The following IGF2BP1 variants were observed in gnomAD, a reference collection of about 807,000 sequenced individuals.
IGF2BP1 encodes insulin-like growth factor 2 mRNA-binding protein 1.
In IGF2BP1, 11 loss-of-function variants were observed where a neutral mutation model predicts 74.9. The ratio of observed to expected loss-of-function variants is 0.15; its 90% confidence interval spans 0.09 to 0.24. The LOEUF (loss-of-function observed/expected upper bound fraction) is 0.24. IGF2BP1 is among the 10% of genes least tolerant of loss of function. The probability of loss-of-function intolerance (pLI) is 1.00; values close to 1 mark genes in which losing one functional copy is unlikely to be tolerated. For synonymous variants in IGF2BP1, 287 were observed against 281.8 expected, an observed-to-expected ratio of 1.02 and a Z score of -0.18; for missense variants, 440 against 757.4, an observed-to-expected ratio of 0.58 and a Z score of 4.92.
intron 2 of IGF2BP1, among the ~76,000 whole-genome samples, chr17:49,015,903 C>G (rs1252899428): frequency 2.0e-5 from 3 of 152,198 alleles, no homozygotes; most frequent in Non-Finnish European, 4.4e-5. Flanking sequence ...CAAGTTGCTT[C>G]CTTCCTCCCC....
At chr17:49,035,662 G>C (rs773630271) in intron 5 of IGF2BP1, among the ~76,000 whole-genome samples, 36 of 152,160 alleles carry the variant, frequency 2.4e-4, no homozygotes, top group Non-Finnish European at 4.3e-4. Context: ...ACCTGGGAAC[G>C]GGGATGCCTT....
In IGF2BP1 at chr17:49,046,386, C is replaced by T. The variant is rs1223550278; in HGVS notation, c.1641+13C>T. On this transcript the variant is annotated intron_variant, in intron 14 of 14. Coordinates refer to ENST00000290341, the MANE Select transcript of IGF2BP1 (RefSeq NM_006546.4). ...CTATGCCAGTCAGGTACATATGGTG[C>T]TCCCCCATTGAGGGAGGGCTGCAGG... 1 of 1,593,200 alleles carries T rather than the reference C, an allele frequency of 6.3e-7. No individual in the cohort carries two copies.
At chr17:49,032,857 C>T (rs2041941323) in intron 5 of IGF2BP1, among the ~76,000 whole-genome samples, 1 of 152,112 alleles carries the variant, frequency 6.6e-6, no homozygotes, top group Non-Finnish European at 1.5e-5. Context: ...ACTCTGCCAC[C>T]CAGGCTGGAG....
chr17:49,016,790 C>CCCGA (rs1279577995), intron 2 of IGF2BP1, among the ~76,000 whole-genome samples: 4 of 103,112 alleles, frequency 3.9e-5, no homozygotes, highest in African/African-American at 1.5e-4. Flanking sequence ...AGCCCGCCAG[C>CCCGA]CCGCCCGCCC....
chr17:48,999,374 G>C (rs1378833556), intron 2 of IGF2BP1, among the ~76,000 whole-genome samples: 2 of 151,266 alleles, frequency 1.3e-5, no homozygotes, highest in Non-Finnish European at 2.9e-5. Context: ...AAATAAATAA[G>C]TTGGGGCTGG....
In IGF2BP1 at chr17:49,053,823, C is replaced by G. The variant is rs1407390760; in HGVS notation, c.*4379C>G. 6.6e-6 allele frequency: 1 copy of G among 152,654 alleles called. No individual in the cohort carries two copies. Among genetic ancestry groups the G allele is most frequent in the Non-Finnish European group, 1.5e-5 (1 of 68,052 alleles). The allele number at this position is 152,654 out of a possible 1,614,324, so 9.5% of individuals were successfully genotyped here. ...CCTCTCATCAGGGGTGGGGGTTCTC[C>G]TTTCTTTCCCCTGAAGTGTTTATGG... On this transcript the variant is annotated 3_prime_UTR_variant, in exon 15 of 15. Transcript: ENST00000290341.
chr17:49,002,894 G>A (rs1020233023), intron 2 of IGF2BP1, among the ~76,000 whole-genome samples: 1 of 151,980 alleles, frequency 6.6e-6, no homozygotes, highest in African/African-American at 2.4e-5. Flanking sequence ...TCTCATTTGG[G>A]TGGTCAGTAT....
chr17:48,999,230 G>T (rs958807920), intron 2 of IGF2BP1, 61 bp downstream of exon 2: 1 of 990,504 alleles, frequency 1.0e-6, no homozygotes, highest in Non-Finnish European at 1.6e-6. Context: ...GTGAAGCTGT[G>T]TTCAGGGGTC....
At chr17:49,022,553 G>A (rs1384205707) in intron 2 of IGF2BP1, among the ~76,000 whole-genome samples, 4 of 152,186 alleles carry the variant, frequency 2.6e-5, no homozygotes, top group Admixed American at 2.6e-4. Context: ...GTTGGGGGCA[G>A]GGGAGGGCTG....
chr17:48,997,974 A>AG lies in IGF2BP1; in HGVS notation c.175+55dup. 6.4e-7 allele frequency: 1 copy of AG among 1,574,136 alleles called. No individual in the cohort carries two copies. The highest frequency in any genetic ancestry group is 8.6e-7 in the Non-Finnish European group (1 of 1,156,394). ...CCACAACGAGAGCCCCGAACAACGG[A>AG]GACCCGCACCTTCCGGTTCCTCTCC... On this transcript the variant is annotated intron_variant, in intron 1 of 14. Coordinates refer to ENST00000290341, the MANE Select transcript of IGF2BP1 (RefSeq NM_006546.4). The surrounding 1 kb of genome is among the most constrained non-coding windows in gnomAD (Gnocchi z 4.8).
rs1598167805 is a variant in IGF2BP1, at chr17:49,055,447, G to T, written c.*6003G>T. 9 of 373,304 alleles carry T rather than the reference G, an allele frequency of 2.4e-5. No homozygotes were observed. The East Asian group carries it at 3.4e-4, about 14-fold the overall frequency. 23.1% of individuals were successfully genotyped at this position (373,304 alleles called of 1,614,324 possible). A position where few individuals can be genotyped will look rare whatever the true frequency, so the allele number is the denominator to read the frequency against. ...CAGTCACCCCTGTCCCCCCTCCCCT[G>T]CCAATAAGCTCCCCCAGGAATAAAG... On this transcript the variant is annotated 3_prime_UTR_variant, in exon 15 of 15. Coordinates refer to ENST00000290341, the MANE Select transcript of IGF2BP1 (RefSeq NM_006546.4).
intron 4 of IGF2BP1, among the ~76,000 whole-genome samples, chr17:49,027,516 A>C (rs568767375): frequency 6.6e-6 from 1 of 152,282 alleles, no homozygotes; most frequent in Admixed American, 6.5e-5. Context: ...TCTTTTGAAG[A>C]GTAGGCCCAC....
chr17:49,036,417 G>C (rs758714753), intron 5 of IGF2BP1: 1 of 151,822 alleles, frequency 6.6e-6, no homozygotes, highest in Non-Finnish European at 1.5e-5. Flanking sequence ...GCCCCTGCGC[G>C]AAGATGGCAC....
intron 2 of IGF2BP1, among the ~76,000 whole-genome samples, chr17:49,016,747 C>T (rs2041708466): frequency 6.6e-6 from 1 of 151,826 alleles, no homozygotes; most frequent in African/African-American, 2.4e-5. Flanking sequence ...TCAATGTTTT[C>T]TGGCCCCTAC....
intron 2 of IGF2BP1, chr17:49,014,852 G>A (rs1457374216): frequency 1.0e-6 from 1 of 985,266 alleles, no homozygotes; most frequent in African/African-American, 1.7e-5. Flanking sequence ...AGCTGCCGAA[G>A]ACAGATTGCT....
intron 14 of IGF2BP1, among the ~76,000 whole-genome samples, chr17:49,048,959 G>T (rs1026268453): frequency 4.0e-5 from 6 of 150,706 alleles, no homozygotes; most frequent in African/African-American, 1.2e-4. Flanking sequence ...TGCCAGAACA[G>T]TTGGGGACCA....
chr17:49,014,808 A>T, intron 2 of IGF2BP1: 1 of 985,284 alleles, frequency 1.0e-6, no homozygotes. Flanking sequence ...GAGCACGGGG[A>T]TGTCTGCCGG....
At chr17:49,038,794 G>T (rs562090829) in intron 6 of IGF2BP1, among the ~76,000 whole-genome samples, 1 of 152,128 alleles carries the variant, frequency 6.6e-6, no homozygotes, top group Non-Finnish European at 1.5e-5. Context: ...GTGGTAACAG[G>T]GCTGGCCAAC....
In IGF2BP1 at chr17:48,997,693, C is replaced by A. The variant is rs1057121501; in HGVS notation, c.-53C>A. The A allele has an allele frequency of 3.8e-6, 6 of 1,578,394 alleles. No homozygotes were observed. The highest frequency in any genetic ancestry group is 5.2e-6 in the Non-Finnish European group (6 of 1,159,732). ...CTTGGCCTAGGAGGCTCGCCGCCCG[C>A]GCCCGCTCGTTCGGCCTTGCCCGGG... On this transcript the variant is annotated 5_prime_UTR_variant, in exon 1 of 15. Coordinates refer to ENST00000290341, the MANE Select transcript of IGF2BP1 (RefSeq NM_006546.4). The surrounding 1 kb of genome is among the most constrained non-coding windows in gnomAD (Gnocchi z 4.8).
Sources: gnomAD v4.1 joint callset for allele counts (sites outside exome capture counted in the v4.1 genomes callset) on GRCh38, gnomAD v4.1.1 for gene constraint, Gnocchi (gnomAD v3.1) non-coding constraint, MANE v1.5 for transcripts, NCBI Gene and HGNC (gene_info 2026-07-23, HGNC 2026-07-21) for gene names.